The following AFG2A variants were observed in gnomAD, a reference collection of about 807,000 sequenced individuals.
AFG2A encodes ATPase family gene 2 protein homolog A.
chr4:123,167,824 A>C, the AFG2A span, among the ~76,000 whole-genome samples: 43 of 152,318 alleles, frequency 2.8e-4, no homozygotes, highest in South Asian at 6.6e-3. Context: ...TTTGATGTTG[A>C]AATCAGGTAA....
At chr4:123,226,470 C>CGT in the AFG2A span, among the ~76,000 whole-genome samples, 1 of 150,940 alleles carries the variant, frequency 6.6e-6, no homozygotes, top group Non-Finnish European at 1.5e-5. Context: ...TTGAGATAAT[C>CGT]GTGGTTTTTG....
At chr4:123,082,653 C>A in the AFG2A span, among the ~76,000 whole-genome samples, 1 of 151,250 alleles carries the variant, frequency 6.6e-6, no homozygotes, top group Admixed American at 6.6e-5. Context: ...TATTTTGGAT[C>A]TTTTGCCTCT....
chr4:123,290,100 C>G, the AFG2A span, among the ~76,000 whole-genome samples: 1 of 152,140 alleles, frequency 6.6e-6, no homozygotes, highest in African/African-American at 2.4e-5. Context: ...GGGTATCAGT[C>G]CCCTATTAGA....
chr4:123,044,770 A>AT, the AFG2A span, among the ~76,000 whole-genome samples: 13,693 of 150,886 alleles, frequency 0.091, 858 homozygotes, highest in Middle Eastern at 0.18. Flanking sequence ...TGAGGATGTC[A>AT]TTTTTTTTTT....
At chr4:123,076,165 G>A in the AFG2A span, among the ~76,000 whole-genome samples, 1 of 151,976 alleles carries the variant, frequency 6.6e-6, no homozygotes, top group Admixed American at 6.6e-5. Flanking sequence ...TAGCTACTTG[G>A]GAGGCTGAGG....
chr4:123,305,716 G>A, the AFG2A span, among the ~76,000 whole-genome samples: 16 of 152,160 alleles, frequency 1.1e-4, 1 homozygote, highest in African/African-American at 3.9e-4. Flanking sequence ...AATTATTACT[G>A]CTTGCTTAGA....
the AFG2A span, among the ~76,000 whole-genome samples, chr4:123,032,395 CT>C: frequency 1.3e-4 from 19 of 149,732 alleles, no homozygotes; most frequent in Admixed American, 1.0e-3. Context: ...AATTTTAATC[CT>C]TTTTTTTTTC....
At chr4:123,023,076 C>A in the AFG2A span, among the ~76,000 whole-genome samples, 1 of 150,864 alleles carries the variant, frequency 6.6e-6, no homozygotes, top group Non-Finnish European at 1.5e-5. Flanking sequence ...AGGAGATATA[C>A]CTAATGCTAA....
the AFG2A span, among the ~76,000 whole-genome samples, chr4:123,074,095 ATTT>A: frequency 1.1e-4 from 11 of 102,052 alleles, no homozygotes; most frequent in East Asian, 3.7e-3. Flanking sequence ...CTCAGATAGT[ATTT>A]TTTTTTTTTT....
At chr4:123,287,194 A>G in the AFG2A span, among the ~76,000 whole-genome samples, 2 of 152,250 alleles carry the variant, frequency 1.3e-5, no homozygotes, top group Non-Finnish European at 1.5e-5. Flanking sequence ...ATAAACTAGT[A>G]TCACAGCTGA....
the AFG2A span, among the ~76,000 whole-genome samples, chr4:123,110,925 C>T: frequency 6.6e-6 from 1 of 152,188 alleles, no homozygotes; most frequent in Admixed American, 6.5e-5. Flanking sequence ...CCAGTATTGT[C>T]ATGATGTGTC....
the AFG2A span, among the ~76,000 whole-genome samples, chr4:122,953,061 T>A: frequency 6.6e-6 from 1 of 152,148 alleles, no homozygotes; most frequent in Non-Finnish European, 1.5e-5. Flanking sequence ...GCTAACTCCT[T>A]AACAATCCCT....
At chr4:122,999,635 T>A in the AFG2A span, among the ~76,000 whole-genome samples, 1 of 152,090 alleles carries the variant, frequency 6.6e-6, no homozygotes, top group African/African-American at 2.4e-5. Context: ...GTGGCATTAT[T>A]TCTGAGGGCT....
At chr4:123,017,256 G>A in the AFG2A span, among the ~76,000 whole-genome samples, 1 of 79,822 alleles carries the variant, frequency 1.3e-5, no homozygotes, top group Admixed American at 1.2e-4. Flanking sequence ...GAGGGAGAGC[G>A]AGAGCGAGAG....
At chr4:123,094,802 GAACA>G in the AFG2A span, among the ~76,000 whole-genome samples, 1 of 151,580 alleles carries the variant, frequency 6.6e-6, no homozygotes, top group Non-Finnish European at 1.5e-5. Flanking sequence ...AGTCTACCAC[GAACA>G]GTTTTCCTTC....
the AFG2A span, among the ~76,000 whole-genome samples, chr4:123,177,876 G>C: frequency 6.6e-6 from 1 of 152,120 alleles, no homozygotes; most frequent in Non-Finnish European, 1.5e-5. Context: ...GTGAAGCACT[G>C]CCTCCTTGTG....
the AFG2A span, chr4:123,090,696 G>C: frequency 6.2e-7 from 1 of 1,613,634 alleles, no homozygotes; most frequent in Non-Finnish European, 8.5e-7. Context: ...GTCCAGATAG[G>C]ATAGACAAGG....
the AFG2A span, among the ~76,000 whole-genome samples, chr4:123,261,656 G>A: frequency 6.6e-6 from 1 of 151,978 alleles, no homozygotes; most frequent in South Asian, 2.1e-4. Flanking sequence ...TTCCTTACAC[G>A]ACCTACTGAA....
the AFG2A span, among the ~76,000 whole-genome samples, chr4:123,013,987 C>T: frequency 9.9e-5 from 15 of 152,114 alleles, no homozygotes; most frequent in Admixed American, 7.2e-4. Context: ...ATGATTTCTT[C>T]TAGTTTTGGG....
Sources: allele counts gnomAD v4.1 joint callset (sites outside exome capture counted in the v4.1 genomes callset), GRCh38; gene constraint gnomAD v4.1.1; transcripts MANE v1.5; gene names NCBI Gene and HGNC (gene_info 2026-07-23, HGNC 2026-07-21).